Variants in ARHGAP20 observed in about 807,000 individuals in gnomAD.
ARHGAP20 encodes the protein rho GTPase-activating protein 20.
Under a neutral mutation model 73.7 loss-of-function variants are expected in ARHGAP20, and 34 were observed. The observed-to-expected ratio is 0.46, with a 90% CI of 0.35 to 0.61. ARHGAP20 has a LOEUF of 0.61. Ranked by LOEUF, ARHGAP20 falls within the 20% of genes least tolerant of loss-of-function variation. The probability of loss-of-function intolerance (pLI) is 0.00; values close to 1 mark genes in which losing one functional copy is unlikely to be tolerated. For synonymous variants in ARHGAP20, 523 were observed against 518.2 expected (o/e 1.01, Z -0.13); for missense variants, 1,314 against 1,420.9 (o/e 0.92, Z 1.21).
intron 4 of ARHGAP20, among the ~76,000 whole-genome samples, chr11:110,617,529 CT>C (rs1948510870): frequency 6.6e-6 from 1 of 152,198 alleles, no homozygotes; most frequent in Non-Finnish European, 1.5e-5. Flanking sequence ...TCCCAAAGTG[CT>C]GGGATTACAA....
At chr11:110,611,013 CA>C (rs567963818) in intron 7 of ARHGAP20, among the ~76,000 whole-genome samples, 251 of 151,634 alleles carry the variant, frequency 1.7e-3, no homozygotes, top group Non-Finnish European at 1.7e-3. Flanking sequence ...AAATTTATAC[CA>C]AAAAAATTTT....
intron 3 of ARHGAP20, among the ~76,000 whole-genome samples, chr11:110,629,182 G>T (rs1381896159): frequency 1.3e-5 from 2 of 152,216 alleles, no homozygotes; most frequent in East Asian, 1.9e-4. Flanking sequence ...CCAGGCTGAG[G>T]TATACATCTA....
At chr11:110,605,809 G>T (rs1286333769) in intron 9 of ARHGAP20, among the ~76,000 whole-genome samples, 1 of 152,148 alleles carries the variant, frequency 6.6e-6, no homozygotes, top group Non-Finnish European at 1.5e-5. Flanking sequence ...TCCTAATTTG[G>T]TTCTTTGCAA....
At chr11:110,633,525 T>C (rs1165816247) in intron 2 of ARHGAP20, among the ~76,000 whole-genome samples, 2 of 152,240 alleles carry the variant, frequency 1.3e-5, no homozygotes, top group Non-Finnish European at 2.9e-5. Flanking sequence ...TATGTGTTTT[T>C]TGACTCACCA....
intron 2 of ARHGAP20, among the ~76,000 whole-genome samples, chr11:110,650,472 G>C (rs943009300): frequency 6.6e-6 from 1 of 152,066 alleles, no homozygotes. Flanking sequence ...AATCACCACA[G>C]TTCCAGTAAC....
At chr11:110,668,224 A>T (rs190130984) in intron 2 of ARHGAP20, among the ~76,000 whole-genome samples, 1 of 152,186 alleles carries the variant, frequency 6.6e-6, no homozygotes, top group Non-Finnish European at 1.5e-5. Flanking sequence ...TTCGGCAACC[A>T]CCATCCTTAT....
chr11:110,666,230 G>C (rs1441974644), intron 2 of ARHGAP20, among the ~76,000 whole-genome samples: 1 of 152,154 alleles, frequency 6.6e-6, no homozygotes, highest in African/African-American at 2.4e-5. Flanking sequence ...TAAATGAAGA[G>C]ATACCATGTT....
At chr11:110,623,684 T>C (rs1386708054) in intron 4 of ARHGAP20, among the ~76,000 whole-genome samples, 1 of 152,228 alleles carries the variant, frequency 6.6e-6, no homozygotes, top group African/African-American at 2.4e-5. Flanking sequence ...GACTATACAA[T>C]TTGCTTCAAT....
At chr11:110,710,786 G>C (rs1591200831) in intron 1 of ARHGAP20, among the ~76,000 whole-genome samples, 1 of 152,160 alleles carries the variant, frequency 6.6e-6, no homozygotes, top group Admixed American at 6.6e-5. Context: ...TCGGCACACC[G>C]ATCACCTCTC....
At position 110,611,296 on chromosome 11, in the gene ARHGAP20, C is replaced by A; in HGVS notation, c.708+13G>T. 1 of 1,475,502 alleles carries A rather than the reference C, an allele frequency of 6.8e-7. No individual in the cohort carries two copies. Among genetic ancestry groups the A allele is most frequent in the Non-Finnish European group, 9.2e-7 (1 of 1,086,462 alleles). The allele number at this position is 1,475,502 out of a possible 1,614,324, so 91.4% of individuals were successfully genotyped here. A position where few individuals can be genotyped will look rare whatever the true frequency, so the allele number is the denominator to read the frequency against. On this transcript the variant is annotated intron_variant, in intron 7 of 14. Coordinates refer to ENST00000683387, the MANE Select transcript of ARHGAP20 (RefSeq NM_001384657.1). ...TTTATTTTTAATTAAGAATGTCTAG[C>A]AGAATAACTTACAGTTATCCCTAGC...
intron 2 of ARHGAP20, among the ~76,000 whole-genome samples, chr11:110,671,942 T>C (rs545904661): frequency 1.3e-5 from 2 of 152,298 alleles, no homozygotes; most frequent in South Asian, 2.1e-4. Flanking sequence ...ATTTCTTTGA[T>C]TGCAAAGAAA....
chr11:110,710,532 T>C (rs1313626086), intron 1 of ARHGAP20, among the ~76,000 whole-genome samples: 1 of 152,242 alleles, frequency 6.6e-6, no homozygotes, highest in Non-Finnish European at 1.5e-5. Flanking sequence ...CTTTAAGTTT[T>C]AAAATTTATG....
intron 2 of ARHGAP20, among the ~76,000 whole-genome samples, chr11:110,632,000 A>G (rs1406127578): frequency 1.1e-4 from 16 of 152,202 alleles, no homozygotes; most frequent in Admixed American, 1.0e-3. Flanking sequence ...TTTGGAATTC[A>G]TTCATGTTAT....
At chr11:110,644,719 A>G (rs1357850910) in intron 2 of ARHGAP20, among the ~76,000 whole-genome samples, 1 of 152,176 alleles carries the variant, frequency 6.6e-6, no homozygotes, top group Non-Finnish European at 1.5e-5. Flanking sequence ...ACCATTCTCA[A>G]TATTGGCCTT....
At chr11:110,683,853 A>T (rs2135100141) in intron 2 of ARHGAP20, among the ~76,000 whole-genome samples, 1 of 152,306 alleles carries the variant, frequency 6.6e-6, no homozygotes, top group Admixed American at 6.5e-5. Context: ...GCTGCAACTT[A>T]ATTACCAGTG....
chr11:110,621,435 C>T (rs191266525), intron 4 of ARHGAP20, among the ~76,000 whole-genome samples: 76 of 147,224 alleles, frequency 5.2e-4, no homozygotes, highest in African/African-American at 1.8e-3. Flanking sequence ...ATACATTTTT[C>T]CTTTAAAAAA....
intron 1 of ARHGAP20, among the ~76,000 whole-genome samples, chr11:110,705,996 G>C (rs1399708284): frequency 1.2e-4 from 19 of 152,142 alleles, no homozygotes; most frequent in Admixed American, 1.2e-3. Flanking sequence ...AATTAGACCA[G>C]TGATTGTGTC....
At chr11:110,709,814 C>T (rs1950613764) in intron 1 of ARHGAP20, among the ~76,000 whole-genome samples, 1 of 152,144 alleles carries the variant, frequency 6.6e-6, no homozygotes, top group African/African-American at 2.4e-5. Context: ...AAAGCCACTG[C>T]AGGATTTTAA....
At chr11:110,685,604 A>G (rs1381002099) in intron 2 of ARHGAP20, among the ~76,000 whole-genome samples, 1 of 152,162 alleles carries the variant, frequency 6.6e-6, no homozygotes, top group African/African-American at 2.4e-5. Flanking sequence ...TTAACTCATC[A>G]GTTAATTTAA....
Sources: allele counts gnomAD v4.1 joint callset (sites outside exome capture counted in the v4.1 genomes callset), GRCh38; gene constraint gnomAD v4.1.1; transcripts MANE v1.5; gene names NCBI Gene and HGNC (gene_info 2026-07-23, HGNC 2026-07-21).